The following RPTOR variants were observed in gnomAD, a reference collection of about 807,000 sequenced individuals.
The protein encoded by RPTOR is regulatory associated protein of MTOR complex 1.
RPTOR carries 21 observed loss-of-function variants against 169.9 expected under a neutral mutation model. The ratio of observed to expected loss-of-function variants is 0.12; its 90% confidence interval spans 0.09 to 0.18. RPTOR has a LOEUF of 0.18. Among genes scored for constraint, RPTOR ranks in the 10% least tolerant of loss-of-function variants. RPTOR has a pLI of 1.00. For missense variants in RPTOR, 1,133 were observed against 1,855.9 expected (o/e 0.61, Z 7.16); for synonymous variants, 732 against 753.2 (o/e 0.97, Z 0.46).
chr17:80,912,247 C>T (rs964087162), intron 21 of RPTOR, among the ~76,000 whole-genome samples: 2 of 152,146 alleles, frequency 1.3e-5, no homozygotes, highest in Non-Finnish European at 2.9e-5. Flanking sequence ...TGTCTGGTGG[C>T]CTCTTCTTTT....
At chr17:80,791,933 A>G (rs771875349) in intron 7 of RPTOR, among the ~76,000 whole-genome samples, 21 of 151,960 alleles carry the variant, frequency 1.4e-4, no homozygotes, top group Admixed American at 2.0e-4. Flanking sequence ...TCCAGTTTCC[A>G]TTTTACTATC....
chr17:80,718,568 G>A (rs568460670), intron 4 of RPTOR, among the ~76,000 whole-genome samples: 29 of 152,218 alleles, frequency 1.9e-4, no homozygotes, highest in Non-Finnish European at 3.4e-4. Flanking sequence ...GGCAAGGTTG[G>A]AGGGGGCCTC....
intron 6 of RPTOR, among the ~76,000 whole-genome samples, chr17:80,766,779 G>A (rs4969246): frequency 0.85 from 129,505 of 152,128 alleles, 55,657 homozygotes; most frequent in East Asian, 1. Context: ...AATGCTATTT[G>A]TAGTTTTTAA....
At chr17:80,687,632 A>G (rs1300452725) in intron 3 of RPTOR, among the ~76,000 whole-genome samples, 1 of 152,088 alleles carries the variant, frequency 6.6e-6, no homozygotes, top group African/African-American at 2.4e-5. Context: ...GTCTGCGTGG[A>G]GAAATGCGAA....
chr17:80,842,410 C>T (rs2067681186), intron 10 of RPTOR, among the ~76,000 whole-genome samples: 1 of 152,138 alleles, frequency 6.6e-6, no homozygotes, highest in African/African-American at 2.4e-5. Context: ...GGCTGGCCTC[C>T]CGTTCAGGGG....
chr17:80,667,917 G>C (rs2065792834), intron 3 of RPTOR, among the ~76,000 whole-genome samples: 1 of 152,152 alleles, frequency 6.6e-6, no homozygotes, highest in Admixed American at 6.5e-5. Flanking sequence ...CATTTTAGTG[G>C]GAAAATCCAC....
intron 22 of RPTOR, among the ~76,000 whole-genome samples, chr17:80,923,181 G>A (rs1470506861): frequency 6.6e-6 from 1 of 152,232 alleles, no homozygotes; most frequent in Admixed American, 6.5e-5. Context: ...TGGCACTGCT[G>A]TGTGCTGAGC....
chr17:80,947,498 G>A lies in RPTOR; in HGVS notation c.3265+147G>A. 9 of 1,123,202 alleles carry A rather than the reference G, an allele frequency of 8.0e-6. No individual in the cohort carries two copies. The South Asian group carries it at 2.0e-4, about 25-fold the overall frequency. 69.6% of individuals were successfully genotyped at this position (1,123,202 alleles called of 1,614,324 possible). A position where few individuals can be genotyped will look rare whatever the true frequency, so the allele number is the denominator to read the frequency against. On this transcript the variant is annotated intron_variant, in intron 27 of 33. Transcript: ENST00000306801. This position sits in a 1 kb window ranked among gnomAD's most constrained non-coding sequence, Gnocchi z 4.4. Reference sequence around the variant, plus strand: ...GCCACTGTCATTCAGAAGTGGGGAGGTTTATGAGGGAAAGGGCTTCAGCAG... The same window carrying A: ...GCCACTGTCATTCAGAAGTGGGGAGATTTATGAGGGAAAGGGCTTCAGCAG...
At chr17:80,696,089 C>T (rs78087544) in intron 3 of RPTOR, among the ~76,000 whole-genome samples, 13,734 of 152,162 alleles carry the variant, frequency 0.09, 696 homozygotes, top group African/African-American at 0.14. Context: ...TAGATTTTTC[C>T]GGCAGGGCTG....
At chr17:80,799,218 A>G (rs1357156254) in intron 7 of RPTOR, among the ~76,000 whole-genome samples, 1 of 152,222 alleles carries the variant, frequency 6.6e-6, no homozygotes, top group Non-Finnish European at 1.5e-5. Context: ...TCTCGTGCTT[A>G]GTCTGATTTC....
chr17:80,691,992 A>C (rs1228721224), intron 3 of RPTOR, among the ~76,000 whole-genome samples: 2 of 152,246 alleles, frequency 1.3e-5, no homozygotes, highest in Non-Finnish European at 2.9e-5. Context: ...AGTTTCAGAA[A>C]GCAACACCAG....
intron 13 of RPTOR, among the ~76,000 whole-genome samples, chr17:80,875,282 C>T (rs1261441324): frequency 6.6e-6 from 1 of 152,192 alleles, no homozygotes; most frequent in Non-Finnish European, 1.5e-5. Flanking sequence ...GTCTCTGCCC[C>T]ATTGTCGTGT....
intron 4 of RPTOR, among the ~76,000 whole-genome samples, chr17:80,729,434 G>A (rs1486418042): frequency 1.3e-5 from 2 of 152,170 alleles, no homozygotes; most frequent in Admixed American, 6.5e-5. Flanking sequence ...CTTTGCGTTC[G>A]GATTGTAAGT....
intron 25 of RPTOR, among the ~76,000 whole-genome samples, chr17:80,940,854 C>T (rs778976109): frequency 5.3e-5 from 8 of 152,280 alleles, no homozygotes; most frequent in African/African-American, 1.7e-4. Flanking sequence ...ACCCAGCCAC[C>T]GCCTGGGAAG....
chr17:80,742,670 CAT>C (rs1375445007), intron 5 of RPTOR, among the ~76,000 whole-genome samples: 16 of 116,334 alleles, frequency 1.4e-4, no homozygotes, highest in African/African-American at 4.4e-4. Flanking sequence ...TGCACATACA[CAT>C]ACAGCCATAT....
chr17:80,881,245 T>A (rs1049925514), intron 14 of RPTOR, among the ~76,000 whole-genome samples: 1 of 152,252 alleles, frequency 6.6e-6, no homozygotes, highest in Non-Finnish European at 1.5e-5. Context: ...AAGGATTTTT[T>A]AAAACACAAA....
At chr17:80,583,483 G>A (rs560717618) in intron 1 of RPTOR, among the ~76,000 whole-genome samples, 2 of 152,150 alleles carry the variant, frequency 1.3e-5, no homozygotes, top group East Asian at 1.9e-4. Context: ...GAGCCACTGC[G>A]CCCAGCTGTT....
chr17:80,841,235 CCG>C (rs2067647988), intron 10 of RPTOR, among the ~76,000 whole-genome samples: 3 of 111,182 alleles, frequency 2.7e-5, no homozygotes, highest in African/African-American at 7.6e-5. Context: ...CTCACTCTCA[CCG>C]CACGGCAGCT....
intron 4 of RPTOR, among the ~76,000 whole-genome samples, chr17:80,709,507 G>A (rs891080486): frequency 2.0e-5 from 3 of 152,242 alleles, no homozygotes; most frequent in Non-Finnish European, 4.4e-5. Context: ...TCACTTGGTC[G>A]GAGGCTCTGC....
Sources: gnomAD v4.1 joint callset for allele counts (sites outside exome capture counted in the v4.1 genomes callset) on GRCh38, gnomAD v4.1.1 for gene constraint, Gnocchi (gnomAD v3.1) non-coding constraint, MANE v1.5 for transcripts, NCBI Gene and HGNC (gene_info 2026-07-23, HGNC 2026-07-21) for gene names.